PPP1R9A: variants seen among roughly 807,000 people sequenced by gnomAD.
PPP1R9A encodes protein phosphatase 1 regulatory subunit 9A.
A neutral mutation model predicts 141.9 loss-of-function variants in PPP1R9A; 59 were observed. The observed-to-expected ratio is 0.42, with a 90% CI of 0.34 to 0.52. PPP1R9A has a LOEUF of 0.52. PPP1R9A is among the 20% of genes least tolerant of loss of function. The probability of loss-of-function intolerance (pLI) is 0.10; values close to 1 mark genes in which losing one functional copy is unlikely to be tolerated. For synonymous variants in PPP1R9A, 500 were observed against 569.7 expected, an observed-to-expected ratio of 0.88 and a Z score of 1.74; for missense variants, 1,444 against 1,611.9, an observed-to-expected ratio of 0.90 and a Z score of 1.78.
At chr7:95,159,062 A>G (rs932148496) in intron 4 of PPP1R9A, among the ~76,000 whole-genome samples, 3 of 152,192 alleles carry the variant, frequency 2.0e-5, no homozygotes, top group African/African-American at 4.8e-5. Flanking sequence ...AAACTCATTC[A>G]TGTGCATAAG....
At chr7:95,269,931 G>C (rs2153047865) in intron 14 of PPP1R9A, among the ~76,000 whole-genome samples, 1 of 152,232 alleles carries the variant, frequency 6.6e-6, no homozygotes, top group Admixed American at 6.5e-5. Flanking sequence ...AGTAACACAG[G>C]CATATAATTG....
chr7:95,140,218 A>C (rs1257538163), intron 4 of PPP1R9A, among the ~76,000 whole-genome samples: 1 of 152,210 alleles, frequency 6.6e-6, no homozygotes, highest in African/African-American at 2.4e-5. Context: ...ATTTCTGGGA[A>C]GAATGACTAA....
At chr7:95,137,841 A>G (rs1026225045) in intron 4 of PPP1R9A, among the ~76,000 whole-genome samples, 7 of 152,208 alleles carry the variant, frequency 4.6e-5, no homozygotes, top group African/African-American at 1.7e-4. Flanking sequence ...AATAATCAGG[A>G]CAGTATGCCA....
intron 2 of PPP1R9A, among the ~76,000 whole-genome samples, chr7:95,090,308 C>T (rs1433742320): frequency 6.6e-6 from 1 of 151,792 alleles, no homozygotes; most frequent in Non-Finnish European, 1.5e-5. Flanking sequence ...GTATCATAGT[C>T]TCATCATTGT....
Position 95,106,538 on chromosome 7 carries a change from A to G in PPP1R9A, c.1396-4721A>G, listed in dbSNP as rs939437843. Among the ~76,000 whole-genome samples, 10 of 152,302 alleles carry G rather than the reference A, an allele frequency of 6.6e-5. No individual in the cohort carries two copies. The South Asian group carries it at 1.7e-3, about 25-fold the overall frequency. On this transcript the variant is annotated intron_variant, in intron 2 of 19. Coordinates refer to ENST00000433360, the MANE Select transcript of PPP1R9A (RefSeq NM_001166160.2). ...ACTGCATTGAATTACATATTTGTAT[A>G]TATCATGATTTAGCAAGCCATTTTC...
intron 2 of PPP1R9A, among the ~76,000 whole-genome samples, chr7:95,086,328 A>G (rs967215402): frequency 2.0e-5 from 3 of 152,046 alleles, no homozygotes; most frequent in African/African-American, 7.3e-5. Context: ...TTTAAATCAA[A>G]ACAGGGTGAT....
intron 5 of PPP1R9A, among the ~76,000 whole-genome samples, chr7:95,175,444 A>G (rs994199063): frequency 1.3e-5 from 2 of 152,040 alleles, no homozygotes; most frequent in Non-Finnish European, 2.9e-5. Context: ...GGTGAGAGGT[A>G]TAACTATTTT....
At chr7:95,044,740 TA>T (rs1232903134) in intron 2 of PPP1R9A, among the ~76,000 whole-genome samples, 3 of 147,466 alleles carry the variant, frequency 2.0e-5, no homozygotes, top group Admixed American at 6.8e-5. Context: ...ATAATATATA[TA>T]TATTTTTTTG....
rs1257795559 is a variant in PPP1R9A at position 94,911,291 on chromosome 7, C to G, written c.1178C>G (p.Ser393Cys). The G allele has an allele frequency of 6.2e-7, 1 of 1,614,042 alleles. No homozygotes were observed. Among genetic ancestry groups the G allele is most frequent in the Non-Finnish European group, 8.5e-7 (1 of 1,180,002 alleles). ...GAAGATTCAAATAATTTTGATGGTTCCCATGTGTACATGCACAGTGACTAT... is the reference window on the plus strand; with the variant it reads ...GAAGATTCAAATAATTTTGATGGTTGCCATGTGTACATGCACAGTGACTAT... ...VPEDSNNFDG[S>C]HVYMHSDYNV... Residue 393 changes from serine (S) to cysteine (C), a missense_variant, in exon 2 of 20, where the codon TCC becomes TGC. Coordinates refer to ENST00000433360, the MANE Select transcript of PPP1R9A (RefSeq NM_001166160.2).
In PPP1R9A at chr7:95,269,325, A is replaced by ATGTGCT; in HGVS notation, c.2947_2948insTTGTGC (p.Val982_Pro983insLeuVal). 1 of 1,598,630 alleles carries ATGTGCT rather than the reference A, an allele frequency of 6.3e-7. No individual in the cohort carries two copies. Among genetic ancestry groups the ATGTGCT allele is most frequent in the Non-Finnish European group, 8.5e-7 (1 of 1,179,462 alleles). ...CCACCCCTCACCCCGGTGGATAGCA[A>ATGTGCT]TGTGCCCTTCTCGTCTGACCACATA... On this transcript the variant is annotated inframe_insertion, in exon 14 of 20. Coordinates refer to ENST00000433360, the MANE Select transcript of PPP1R9A (RefSeq NM_001166160.2).
intron 9 of PPP1R9A, 106 bp downstream of exon 9, chr7:95,247,632 T>G: frequency 1.1e-6 from 1 of 937,920 alleles, no homozygotes; most frequent in Non-Finnish European, 1.6e-6. Context: ...TTTGAAAGAA[T>G]GCAAATGTGA....
rs189784526 is a variant in PPP1R9A at position 95,231,277 on chromosome 7, A to T, written c.2112+5161A>T. On this transcript the variant is annotated intron_variant, in intron 8 of 19. Coordinates refer to ENST00000433360, the MANE Select transcript of PPP1R9A (RefSeq NM_001166160.2). ...CTGTTAGACCTAAGAAATGAGATAG[A>T]TGGCAACACAATAATAGTGGGGGAC... is the stretch of plus-strand genomic sequence containing the variant. Among the ~76,000 whole-genome samples the T allele has an allele frequency of 4.6e-5, 7 of 152,278 alleles. No homozygotes were observed. The East Asian group carries it at 1.3e-3, about 29-fold the overall frequency.
chr7:95,290,393 T>C lies in PPP1R9A; in HGVS notation c.*90T>C. On this transcript the variant is annotated 3_prime_UTR_variant, in exon 20 of 20. Transcript: ENST00000433360. ...CTCCTCCAGAGGATGAAAAAGAAAC[T>C]AAATGATAAGGGTAATGCGGCTCTA... 7.2e-7 allele frequency: 1 copy of C among 1,384,718 alleles called. No homozygotes were observed. Among genetic ancestry groups the C allele is most frequent in the Non-Finnish European group, 9.7e-7 (1 of 1,029,460 alleles). The allele number at this position is 1,384,718 out of a possible 1,614,324, so 85.8% of individuals were successfully genotyped here. A position where few individuals can be genotyped will look rare whatever the true frequency, so the allele number is the denominator to read the frequency against.
At chr7:95,083,340 C>T (rs1178747074) in intron 2 of PPP1R9A, among the ~76,000 whole-genome samples, 1 of 151,474 alleles carries the variant, frequency 6.6e-6, no homozygotes, top group Non-Finnish European at 1.5e-5. Flanking sequence ...CATTCCTTGC[C>T]CCCGGTATAG....
chr7:95,054,770 G>A (rs562789190), intron 2 of PPP1R9A, among the ~76,000 whole-genome samples: 1 of 152,168 alleles, frequency 6.6e-6, no homozygotes, highest in South Asian at 2.1e-4. Context: ...TGACATTTGT[G>A]TTTCATAGCA....
intron 2 of PPP1R9A, among the ~76,000 whole-genome samples, chr7:95,102,218 A>G (rs956252772): frequency 1.3e-5 from 2 of 152,218 alleles, no homozygotes; most frequent in African/African-American, 4.8e-5. Flanking sequence ...AGATAGAAAT[A>G]TGGGTCCCAG....
intron 2 of PPP1R9A, among the ~76,000 whole-genome samples, chr7:94,983,039 C>T (rs1029821087): frequency 6.6e-6 from 1 of 152,142 alleles, no homozygotes; most frequent in African/African-American, 2.4e-5. Flanking sequence ...CTACATATGG[C>T]TAGCCAGTTT....
chr7:95,103,319 T>C (rs907330176), intron 2 of PPP1R9A, among the ~76,000 whole-genome samples: 2 of 150,846 alleles, frequency 1.3e-5, no homozygotes, highest in Non-Finnish European at 3.0e-5. Flanking sequence ...TAGCATGCTC[T>C]CTACCTCCCA....
At chr7:95,098,564 C>T (rs1282444618) in intron 2 of PPP1R9A, among the ~76,000 whole-genome samples, 1 of 152,074 alleles carries the variant, frequency 6.6e-6, no homozygotes, top group Non-Finnish European at 1.5e-5. Context: ...CTTATTTGGC[C>T]TCATCCGTGT....
Sources: allele counts gnomAD v4.1 joint callset (sites outside exome capture counted in the v4.1 genomes callset), GRCh38; gene constraint gnomAD v4.1.1; transcripts MANE v1.5; gene names NCBI Gene and HGNC (gene_info 2026-07-23, HGNC 2026-07-21).